DAPK2: variants seen among roughly 807,000 people sequenced by gnomAD.
DAPK2 encodes the protein death-associated protein kinase 2.
Under a neutral mutation model 44.1 loss-of-function variants are expected in DAPK2, and 35 were observed. The observed-to-expected ratio is 0.79, with a 90% CI of 0.61 to 1.05. DAPK2 has a LOEUF of 1.05. Among genes scored for constraint, DAPK2 ranks in the 50% least tolerant of loss-of-function variants. The pLI, the probability that DAPK2 is intolerant of heterozygous loss-of-function variation, is 0.00. For missense variants in DAPK2, 453 were observed against 483.2 expected (o/e 0.94, Z 0.59); for synonymous variants, 174 against 182.6 (o/e 0.95, Z 0.38).
chr15:63,923,057 C>T lies in DAPK2; in HGVS notation c.858+1759G>A, dbSNP rs759271514. On this transcript the variant is annotated intron_variant, in intron 8 of 10. Transcript: ENST00000261891. The surrounding 1 kb of genome is among the most constrained non-coding windows in gnomAD (Gnocchi z 4.2). ...ATACCTGAGCTGGGACAGGTCATGCCGGGCGCTCTCATTCTCCTCTCGGTA... is the reference window on the plus strand; with the variant it reads ...ATACCTGAGCTGGGACAGGTCATGCTGGGCGCTCTCATTCTCCTCTCGGTA... 2.6e-5 allele frequency: 40 copies of T among 1,535,804 alleles called. 1 individual carries two copies. In the African/African-American group the frequency reaches 3.7e-4, roughly 14 times the overall value.
At position 63,986,013 on chromosome 15, in the gene DAPK2, G is replaced by T. The variant is rs75173721; in HGVS notation, c.93-2259C>A. Among the ~76,000 whole-genome samples, 698 of 152,282 alleles carry T rather than the reference G, an allele frequency of 4.6e-3. 5 individuals are homozygous for T. The highest frequency in any genetic ancestry group is 0.015 in the African/African-American group (643 of 41,566). ...TTTGAGAGTGGGTGACTACGATGGC[G>T]CCAAATACCACACACCACCACTCGT... On this transcript the variant is annotated intron_variant, in intron 1 of 10. Coordinates refer to ENST00000261891, the Ensembl canonical transcript of DAPK2.
intron 1 of DAPK2, among the ~76,000 whole-genome samples, chr15:63,997,731 T>G (rs2078987379): frequency 6.6e-6 from 1 of 152,188 alleles, no homozygotes; most frequent in African/African-American, 2.4e-5. Flanking sequence ...TAATTGCCCT[T>G]GTCCTCACCC....
At chr15:63,926,147 G>T in intron 6 of DAPK2, 54 bp from the exon 8 acceptor site, 2 of 1,554,298 alleles carry the variant, frequency 1.3e-6, no homozygotes, top group East Asian at 2.3e-5. Context: ...GTGGAAATGG[G>T]GATTACGGAC....
chr15:63,935,815 T>C (rs1231865425), intron 4 of DAPK2: 1 of 152,206 alleles, frequency 6.6e-6, no homozygotes, highest in Admixed American at 6.5e-5. Context: ...CATATTTCTA[T>C]GTCTTTGTCA....
chr15:63,945,366 T>C (rs2077421731), intron 3 of DAPK2, among the ~76,000 whole-genome samples: 3 of 152,242 alleles, frequency 2.0e-5, no homozygotes, highest in Admixed American at 1.3e-4. Context: ...TCTTGCATCC[T>C]GCATGTTCCA....
intron 1 of DAPK2, among the ~76,000 whole-genome samples, chr15:64,014,616 T>C (rs1311081009): frequency 1.3e-5 from 2 of 152,156 alleles, no homozygotes; most frequent in Non-Finnish European, 2.9e-5. Flanking sequence ...AGAGTTAATA[T>C]TATTACACAA....
chr15:64,030,835 G>A (rs754125291), intron 1 of DAPK2, among the ~76,000 whole-genome samples: 1 of 152,100 alleles, frequency 6.6e-6, no homozygotes, highest in Non-Finnish European at 1.5e-5. Flanking sequence ...AAAGTCTAGG[G>A]CACATGCCTA....
At chr15:63,989,188 C>CAAAAAAAA (rs55972299) in intron 1 of DAPK2, among the ~76,000 whole-genome samples, 2 of 109,842 alleles carry the variant, frequency 1.8e-5, no homozygotes, top group African/African-American at 7.5e-5. Context: ...ACTTTGTCTC[C>CAAAAAAAA]AAAAAAAAAA....
intron 1 of DAPK2, among the ~76,000 whole-genome samples, chr15:64,027,051 CTGG>C: frequency 6.6e-6 from 1 of 152,198 alleles, no homozygotes; most frequent in African/African-American, 2.4e-5. Context: ...CAAGACCAGC[CTGG>C]ACAACATGAC....
intron 3 of DAPK2, among the ~76,000 whole-genome samples, chr15:63,941,273 C>A (rs185188895): frequency 1.3e-5 from 2 of 152,296 alleles, no homozygotes; most frequent in East Asian, 3.9e-4. Context: ...CCCTCCACCA[C>A]CCCCAGGAGT....
chr15:63,930,149 C>G lies in DAPK2; in HGVS notation c.632+258G>C, dbSNP rs999513757. Among the ~76,000 whole-genome samples, 5 of 152,342 alleles carry G rather than the reference C, an allele frequency of 3.3e-5. No individual in the cohort carries two copies. The East Asian group carries it at 5.8e-4, about 18-fold the overall frequency. The stretch of plus-strand genomic sequence containing the variant: ...GCCCACGGGTGAGTCTGCGCCTCCC[C>G]CTTGCCTCTCCTCTTGCTCCTCCAT... On this transcript the variant is annotated intron_variant, in intron 5 of 10. Transcript: ENST00000261891.
chr15:63,994,764 A>G lies in DAPK2; in HGVS notation c.93-11010T>C, dbSNP rs538287072. Among the ~76,000 whole-genome samples the G allele has an allele frequency of 2.6e-5, 4 of 151,598 alleles. No homozygotes were observed. In the East Asian group the frequency reaches 7.8e-4, roughly 29 times the overall value. On this transcript the variant is annotated intron_variant, in intron 1 of 10. Coordinates refer to ENST00000261891, the Ensembl canonical transcript of DAPK2. ...GCCACCATGCCTGGCTAATTTTTGT[A>G]TTTTTAGTAGAGACCAGGTTTCACC...
chr15:63,969,017 AC>A (rs1342533598), intron 3 of DAPK2, among the ~76,000 whole-genome samples: 2 of 152,130 alleles, frequency 1.3e-5, no homozygotes, highest in East Asian at 3.9e-4. Flanking sequence ...TGCTGTTACT[AC>A]CCTGAGGTCC....
At chr15:63,950,110 G>A (rs1009281816) in intron 3 of DAPK2, among the ~76,000 whole-genome samples, 1 of 152,170 alleles carries the variant, frequency 6.6e-6, no homozygotes, top group African/African-American at 2.4e-5. Flanking sequence ...TTTTAGTATG[G>A]AAATAGCTCC....
intron 1 of DAPK2, among the ~76,000 whole-genome samples, chr15:63,995,857 G>T (rs2078938204): frequency 6.6e-6 from 1 of 152,204 alleles, no homozygotes; most frequent in African/African-American, 2.4e-5. Context: ...CTTTAGAGAG[G>T]CAAAGCATCT....
intron 1 of DAPK2, among the ~76,000 whole-genome samples, chr15:63,999,890 T>C (rs1446555397): frequency 2.6e-5 from 4 of 151,978 alleles, no homozygotes; most frequent in African/African-American, 9.7e-5. Context: ...CTCAGCCTCC[T>C]GAGTAGGTAA....
At chr15:64,017,381 G>A (rs1362122174) in intron 1 of DAPK2, among the ~76,000 whole-genome samples, 3 of 152,226 alleles carry the variant, frequency 2.0e-5, no homozygotes, top group Non-Finnish European at 4.4e-5. Context: ...CATAGGAAGA[G>A]AGCAAAGCAC....
chr15:64,037,022 G>C (rs1377506135), intron 1 of DAPK2, among the ~76,000 whole-genome samples: 1 of 152,202 alleles, frequency 6.6e-6, no homozygotes, highest in Non-Finnish European at 1.5e-5. Context: ...CCATGAGCTA[G>C]GTAATGGTAC....
chr15:63,998,106 C>G (rs899765370), intron 1 of DAPK2, among the ~76,000 whole-genome samples: 1 of 152,198 alleles, frequency 6.6e-6, no homozygotes, highest in African/African-American at 2.4e-5. Flanking sequence ...GAACACAGCA[C>G]AGAGCCTGAC....
Sources: gnomAD v4.1 joint callset for allele counts (sites outside exome capture counted in the v4.1 genomes callset) on GRCh38, gnomAD v4.1.1 for gene constraint, Gnocchi (gnomAD v3.1) non-coding constraint, MANE v1.5 for transcripts, NCBI Gene and HGNC (gene_info 2026-07-23, HGNC 2026-07-21) for gene names.